TSEN2: variants seen among roughly 807,000 people sequenced by gnomAD.
TSEN2 encodes tRNA-splicing endonuclease subunit Sen2.
Under a neutral mutation model 59.2 loss-of-function variants are expected in TSEN2, and 54 were observed. That is an observed-to-expected ratio of 0.91 (90% CI 0.73 to 1.14). TSEN2 has a LOEUF of 1.14. Ranked by LOEUF, TSEN2 falls within the 50% of genes most tolerant of loss-of-function variation. The pLI, the probability that TSEN2 is intolerant of heterozygous loss-of-function variation, is 0.00. For missense variants in TSEN2, 636 were observed against 576.2 expected, an observed-to-expected ratio of 1.10 and a Z score of -1.06; for synonymous variants, 195 against 198.2, an observed-to-expected ratio of 0.98 and a Z score of 0.14.
chr3:12,530,233 C>T, intron 10 of TSEN2: 1 of 1,029,846 alleles, frequency 9.7e-7, no homozygotes, highest in Non-Finnish European at 1.2e-6. Context: ...CACATATTCA[C>T]AAAGGAGTCA....
chr3:12,529,626 A>G (rs1575467715), intron 9 of TSEN2, 136 bp from the exon 10 acceptor site: 1 of 767,176 alleles, frequency 1.3e-6, no homozygotes, highest in East Asian at 2.7e-5. Context: ...TATTTTCTCA[A>G]TAGCAATTTA....
At chr3:12,511,775 C>G (rs1439140362) in intron 6 of TSEN2, among the ~76,000 whole-genome samples, 2 of 152,138 alleles carry the variant, frequency 1.3e-5, no homozygotes, top group Admixed American at 1.3e-4. Context: ...CCATGTTGTC[C>G]AGGCTGGTTT....
rs182261911 is a variant in TSEN2, at chr3:12,508,060, C to T, written c.909+2829C>T. ...GGCCAGCAGGGCACTGCAGGGGATT[C>T]CGTAGGGGAGTGGCAGTGACCAGAG... On this transcript the variant is annotated intron_variant, in intron 6 of 11. Transcript: ENST00000284995. Among the ~76,000 whole-genome samples, 14 of 152,180 alleles carry T rather than the reference C, an allele frequency of 9.2e-5. No homozygotes were observed. The East Asian group carries it at 2.7e-3, about 29-fold the overall frequency.
In TSEN2 at chr3:12,532,810, C is replaced by T. The variant is rs570671157; in HGVS notation, c.*89C>T. 3.8e-6 allele frequency: 5 copies of T among 1,319,682 alleles called. No homozygotes were observed. The highest frequency in any genetic ancestry group is 5.4e-6 in the Non-Finnish European group (5 of 919,940). 81.7% of individuals were successfully genotyped at this position (1,319,682 alleles called of 1,614,324 possible). On this transcript the variant is annotated 3_prime_UTR_variant, in exon 12 of 12. Coordinates refer to ENST00000284995, the MANE Select transcript of TSEN2 (RefSeq NM_025265.4). ...TTTTTGTTGTAATCGTCCATTAATTCATAAGTTTTAAAGGGCATGGTGCTC... is the reference window on the plus strand; with the variant it reads ...TTTTTGTTGTAATCGTCCATTAATTTATAAGTTTTAAAGGGCATGGTGCTC...
chr3:12,526,891 T>C (rs1317707985), intron 8 of TSEN2, among the ~76,000 whole-genome samples: 1 of 152,190 alleles, frequency 6.6e-6, no homozygotes, highest in Non-Finnish European at 1.5e-5. Flanking sequence ...CAGGTGCATA[T>C]TGGATTAAAG....
At chr3:12,493,386 T>A (rs2053424541) in intron 3 of TSEN2, among the ~76,000 whole-genome samples, 1 of 152,186 alleles carries the variant, frequency 6.6e-6, no homozygotes, top group Non-Finnish European at 1.5e-5. Flanking sequence ...CCACCAGCAA[T>A]GCACCAAAGG....
chr3:12,526,241 C>T (rs1559357362), intron 8 of TSEN2, among the ~76,000 whole-genome samples: 4 of 152,158 alleles, frequency 2.6e-5, no homozygotes, highest in Admixed American at 2.6e-4. Context: ...TACAGTAGCA[C>T]ACAGTACTGT....
At chr3:12,514,288 A>G (rs1193764914) in intron 6 of TSEN2, among the ~76,000 whole-genome samples, 1 of 152,246 alleles carries the variant, frequency 6.6e-6, no homozygotes, top group African/African-American at 2.4e-5. Flanking sequence ...ACAGAAGTGC[A>G]GCCAGGACAG....
downstream of TSEN2, among the ~76,000 whole-genome samples, chr3:12,537,388 G>A (rs1450570839): frequency 1.3e-5 from 2 of 152,166 alleles, no homozygotes; most frequent in Admixed American, 1.3e-4. Context: ...AACAGAGGAA[G>A]ACCCTGTCTC....
At position 12,503,497 on chromosome 3, in the gene TSEN2, G is replaced by T. The variant is rs769659966; in HGVS notation, c.544G>T (p.Gly182Cys). Residue 182 changes from glycine (G) to cysteine (C), a missense_variant, in exon 5 of 12, where the codon GGT becomes TGT. Gly to Cys is a radical substitution (Grantham distance 159). Coordinates refer to ENST00000284995, the MANE Select transcript of TSEN2 (RefSeq NM_025265.4). ...AAACGGGGACTCTGGAAAGTCAGGTGGTGTGGGTGATCCCCGTGAGCCATT... is the reference window on the plus strand; with the variant it reads ...AAACGGGGACTCTGGAAAGTCAGGTTGTGTGGGTGATCCCCGTGAGCCATT... ...VVNGDSGKSG[G>C]VGDPREPLGC... is the part of the protein sequence containing the mutation. 1.9e-6 allele frequency: 3 copies of T among 1,614,214 alleles called. No homozygotes were observed. In the East Asian group the frequency reaches 6.7e-5, roughly 36 times the overall value.
At chr3:12,534,708 G>C (rs961581293), downstream of TSEN2, among the ~76,000 whole-genome samples, 1 of 151,574 alleles carries the variant, frequency 6.6e-6, no homozygotes, top group Non-Finnish European at 1.5e-5. Context: ...GGAGGCTGAC[G>C]CAGGAGAATG....
At chr3:12,486,554 T>C (rs1010751472) in intron 1 of TSEN2, among the ~76,000 whole-genome samples, 1 of 152,348 alleles carries the variant, frequency 6.6e-6, no homozygotes, top group South Asian at 2.1e-4. Flanking sequence ...AATAGCTTTA[T>C]TGAGATACCA....
At position 12,519,147 on chromosome 3, in the gene TSEN2, G is replaced by A. The variant is rs775547616; in HGVS notation, c.1049G>A (p.Arg350Gln). The A allele has an allele frequency of 6.8e-6, 11 of 1,614,176 alleles. No individual in the cohort carries two copies. The highest frequency in any genetic ancestry group is 2.2e-5 in the East Asian group (1 of 44,890). ...ACCTACATGGCCTACCATTACTTTCGAAGCAAGGGCTGGGTGCCCAAAGTG... is the reference window on the plus strand; with the variant it reads ...ACCTACATGGCCTACCATTACTTTCAAAGCAAGGGCTGGGTGCCCAAAGTG... ...RTTYMAYHYF[R>Q]SKGWVPKVGL... Residue 350 changes from arginine (R) to glutamine (Q), a missense_variant, in exon 8 of 12, where the codon CGA becomes CAA. Transcript: ENST00000284995.
At chr3:12,489,239 A>G (rs1025298811) in intron 1 of TSEN2, among the ~76,000 whole-genome samples, 8 of 152,192 alleles carry the variant, frequency 5.3e-5, no homozygotes, top group Admixed American at 3.9e-4. Context: ...TGCTGCTGTC[A>G]TTATTATTTA....
At chr3:12,539,005 T>G (rs2057746598) in intron 10 of TSEN2, 5 of 333,580 alleles carry the variant, frequency 1.5e-5, no homozygotes, top group South Asian at 8.9e-5. Context: ...CAGTCATTGC[T>G]GGGCTCGTTT....
chr3:12,527,982 T>C (rs1020058194), intron 8 of TSEN2, among the ~76,000 whole-genome samples: 2 of 152,184 alleles, frequency 1.3e-5, no homozygotes, highest in Admixed American at 6.5e-5. Context: ...CCAGGCTCCT[T>C]CACTGAGTAG....
At chr3:12,504,730 G>A (rs1414984960) in intron 5 of TSEN2, among the ~76,000 whole-genome samples, 2 of 152,086 alleles carry the variant, frequency 1.3e-5, no homozygotes, top group Non-Finnish European at 2.9e-5. Context: ...TAATAAAAAA[G>A]CACTTCTTGG....
upstream of TSEN2, among the ~76,000 whole-genome samples, chr3:12,480,528 G>GGTTTTTTTTTTTTTTTT (rs1553565213): frequency 2.8e-3 from 254 of 91,740 alleles, 7 homozygotes; most frequent in South Asian, 0.011. Context: ...TTGTTTCTTT[G>GGTTTTTTTTTTTTTTTT]TTTTTTTTTT....
At position 12,503,564 on chromosome 3, in the gene TSEN2, A is replaced by G; in HGVS notation, c.611A>G (p.Glu204Gly). Reference sequence around the variant, plus strand: ...GGCTCTGGCTGCCACCCAACAACAGAGAGCTTTGAGAAAAGCGTGCGAGAG... The same window carrying G: ...GGCTCTGGCTGCCACCCAACAACAGGGAGCTTTGAGAAAAGCGTGCGAGAG... The part of the protein sequence containing the change: ...QEGSGCHPTT[E>G]SFEKSVREDA... Residue 204 changes from glutamate (E) to glycine (G), a missense_variant, in exon 5 of 12, where the codon GAG (glutamate) becomes GGG (glycine). By Grantham distance (98) the Glu-to-Gly change is moderately conservative. Transcript: ENST00000284995. 1 of 1,607,276 alleles carries G rather than the reference A, an allele frequency of 6.2e-7. No homozygotes were observed. The highest frequency in any genetic ancestry group is 8.5e-7 in the Non-Finnish European group (1 of 1,175,162).
Sources: gnomAD v4.1 joint callset for allele counts (sites outside exome capture counted in the v4.1 genomes callset) on GRCh38, gnomAD v4.1.1 for gene constraint, MANE v1.5 for transcripts, NCBI Gene and HGNC (gene_info 2026-07-23, HGNC 2026-07-21) for gene names.